The following CBLB variants were observed in gnomAD, a reference collection of about 807,000 sequenced individuals.
CBLB encodes the protein E3 ubiquitin-protein ligase CBL-B.
Under a neutral mutation model 104.9 loss-of-function variants are expected in CBLB, and 31 were observed. That is an observed-to-expected ratio of 0.30 (90% CI 0.22 to 0.40). The LOEUF (loss-of-function observed/expected upper bound fraction) is 0.40, where lower values mean the gene tolerates loss of function less well. Ranked by LOEUF, CBLB falls within the 10% of genes least tolerant of loss-of-function variation. The pLI is 1.00. For synonymous variants in CBLB, 440 were observed against 422.6 expected, an observed-to-expected ratio of 1.04 and a Z score of -0.51; for missense variants, 1,062 against 1,214.6, an observed-to-expected ratio of 0.87 and a Z score of 1.87.
At chr3:105,831,427 T>A (rs1355575792) in intron 3 of CBLB, among the ~76,000 whole-genome samples, 4 of 152,232 alleles carry the variant, frequency 2.6e-5, no homozygotes, top group Non-Finnish European at 4.4e-5. Flanking sequence ...CCTCCGTGAT[T>A]CCTGAAAATT....
chr3:105,840,100 A>G (rs1157928163), intron 3 of CBLB, among the ~76,000 whole-genome samples: 1 of 152,216 alleles, frequency 6.6e-6, no homozygotes, highest in Admixed American at 6.5e-5. Context: ...TGCCCTACAA[A>G]AACCTTCAGA....
chr3:105,658,908 T>G lies in CBLB; in HGVS notation c.*62A>C. ...CTCTTGAATTCCATCTCAGTTCTCT[T>G]TATTTCCACACTCTTGGAATACATC... On this transcript the variant is annotated 3_prime_UTR_variant, in exon 19 of 19. Transcript: ENST00000394030. The G allele has an allele frequency of 6.4e-7, 1 of 1,571,072 alleles. No homozygotes were observed. The highest frequency in any genetic ancestry group is 8.7e-7 in the Non-Finnish European group (1 of 1,142,950).
At chr3:105,767,284 G>A (rs1412629846) in intron 4 of CBLB, among the ~76,000 whole-genome samples, 3 of 151,962 alleles carry the variant, frequency 2.0e-5, no homozygotes, top group African/African-American at 7.2e-5. Flanking sequence ...TACCTAGAGG[G>A]AAAACTGAGC....
chr3:105,824,211 C>T (rs2086260223), intron 3 of CBLB: 1 of 152,246 alleles, frequency 6.6e-6, no homozygotes, highest in Non-Finnish European at 1.5e-5. Context: ...CAGTCCTGCT[C>T]ACTCTTCAAG....
At chr3:105,806,168 C>T (rs909730423) in intron 3 of CBLB, among the ~76,000 whole-genome samples, 8 of 151,982 alleles carry the variant, frequency 5.3e-5, no homozygotes, top group African/African-American at 1.9e-4. Flanking sequence ...CAAGAAAGAA[C>T]AATGTGAATG....
intron 10 of CBLB, among the ~76,000 whole-genome samples, chr3:105,717,291 C>T (rs2072040971): frequency 6.6e-6 from 1 of 152,294 alleles, no homozygotes; most frequent in East Asian, 1.9e-4. Context: ...AAAAAAAACA[C>T]TGCTACCTGG....
intron 3 of CBLB, among the ~76,000 whole-genome samples, chr3:105,813,930 T>C (rs1472618610): frequency 5.9e-5 from 9 of 152,176 alleles, no homozygotes; most frequent in Admixed American, 5.9e-4. Flanking sequence ...TCATATATAC[T>C]GCTTACAAAG....
rs982523170 is a variant in CBLB, at chr3:105,798,744, T to C, written c.420-22202A>G. Among the ~76,000 whole-genome samples the C allele has an allele frequency of 5.3e-5, 8 of 152,160 alleles. No individual in the cohort carries two copies. In the East Asian group the frequency reaches 1.2e-3, roughly 22 times the overall value. The stretch of plus-strand genomic sequence containing the variant: ...CCAAGAGCTACTCTTTTTTTTCCCC[T>C]TTGCTGCTTATTTTGAGTGACATGC... On this transcript the variant is annotated intron_variant, in intron 3 of 18. Coordinates refer to ENST00000394030, the MANE Select transcript of CBLB (RefSeq NM_170662.5).
At position 105,677,212 on chromosome 3, in the gene CBLB, T is replaced by C. The variant is rs1040279725; in HGVS notation, c.2569+1219A>G. Among the ~76,000 whole-genome samples, 32 of 152,122 alleles carry C rather than the reference T, an allele frequency of 2.1e-4. 1 individual carries two copies. The highest frequency in any genetic ancestry group is 7.0e-4 in the African/African-American group (29 of 41,422). ...TAAACAGTGAATGGCTCAATCAATA[T>C]TTACTGATGTAAAAGCAGAAGATTA... On this transcript the variant is annotated intron_variant, in intron 17 of 18. Transcript: ENST00000394030.
chr3:105,806,071 G>A (rs552782463), intron 3 of CBLB, among the ~76,000 whole-genome samples: 2 of 152,212 alleles, frequency 1.3e-5, no homozygotes, highest in East Asian at 3.9e-4. Flanking sequence ...GCTAAAGAAA[G>A]AACAAGATGA....
chr3:105,735,180 T>A (rs1310884017), intron 8 of CBLB, among the ~76,000 whole-genome samples: 1 of 152,114 alleles, frequency 6.6e-6, no homozygotes, highest in African/African-American at 2.4e-5. Flanking sequence ...AATATACATA[T>A]ACATAAACAT....
chr3:105,772,265 T>C (rs772181174), intron 4 of CBLB, among the ~76,000 whole-genome samples: 7 of 152,032 alleles, frequency 4.6e-5, no homozygotes, highest in Non-Finnish European at 8.8e-5. Flanking sequence ...AAACATAAAT[T>C]TGGAAAAGGA....
chr3:105,728,576 A>G (rs2073953951), intron 9 of CBLB, among the ~76,000 whole-genome samples: 1 of 152,202 alleles, frequency 6.6e-6, no homozygotes, highest in South Asian at 2.1e-4. Flanking sequence ...GCAGAAGTTC[A>G]GGGTTGAGAA....
intron 14 of CBLB, among the ~76,000 whole-genome samples, chr3:105,682,682 AT>A (rs1315792040): frequency 6.6e-6 from 1 of 151,846 alleles, no homozygotes; most frequent in Non-Finnish European, 1.5e-5. Flanking sequence ...AATTTTTTTT[AT>A]TTTTTAGTAG....
intron 4 of CBLB, among the ~76,000 whole-genome samples, chr3:105,758,187 C>A (rs2077254137): frequency 2.0e-5 from 3 of 152,102 alleles, no homozygotes; most frequent in Admixed American, 6.5e-5. Context: ...AAGGGAAAAG[C>A]AATTGTTTTC....
At chr3:105,765,100 G>A (rs1048458941) in intron 4 of CBLB, among the ~76,000 whole-genome samples, 1 of 152,216 alleles carries the variant, frequency 6.6e-6, no homozygotes, top group Non-Finnish European at 1.5e-5. Context: ...AAGTTATACA[G>A]AAGATCTAGC....
At chr3:105,836,288 G>A (rs1020145709) in intron 3 of CBLB, among the ~76,000 whole-genome samples, 2 of 152,234 alleles carry the variant, frequency 1.3e-5, no homozygotes, top group African/African-American at 2.4e-5. Context: ...TTTCTAACAC[G>A]CTTACCTGGA....
chr3:105,740,342 TA>T, intron 7 of CBLB, 151 bp downstream of exon 7: 1 of 751,304 alleles, frequency 1.3e-6, no homozygotes, highest in Non-Finnish European at 2.3e-6. Context: ...AATGATTATA[TA>T]AAAAGATGAA....
intron 10 of CBLB, among the ~76,000 whole-genome samples, chr3:105,710,420 T>C (rs1455221257): frequency 6.6e-6 from 1 of 151,932 alleles, no homozygotes; most frequent in Non-Finnish European, 1.5e-5. Context: ...ATATCCAAAA[T>C]CCTTATGTAG....
Sources: gnomAD v4.1 joint callset for allele counts (sites outside exome capture counted in the v4.1 genomes callset) on GRCh38, gnomAD v4.1.1 for gene constraint, MANE v1.5 for transcripts, NCBI Gene and HGNC (gene_info 2026-07-23, HGNC 2026-07-21) for gene names.